TMEM108: variants seen among roughly 807,000 people sequenced by gnomAD.
The protein encoded by TMEM108 is transmembrane protein 108, also known as cancer/testis antigen 124.
In TMEM108, 12 loss-of-function variants were observed where a neutral mutation model predicts 35.1. The observed-to-expected ratio is 0.34, with a 90% CI of 0.22 to 0.55. The LOEUF (loss-of-function observed/expected upper bound fraction) is 0.55. Among genes scored for constraint, TMEM108 ranks in the 20% least tolerant of loss-of-function variants. The pLI, the probability that TMEM108 is intolerant of heterozygous loss-of-function variation, is 0.89. For missense variants in TMEM108, 680 were observed against 753.3 expected, an observed-to-expected ratio of 0.90 and a Z score of 1.14; for synonymous variants, 287 against 308.6, an observed-to-expected ratio of 0.93 and a Z score of 0.73.
At chr3:133,390,045 C>A in intron 4 of TMEM108, 135 bp from the exon 5 acceptor site, 1 of 1,046,844 alleles carries the variant, frequency 9.6e-7, no homozygotes, top group Non-Finnish European at 1.4e-6. Context: ...TCACTTTGTA[C>A]AGTTCACCAT....
intron 2 of TMEM108, among the ~76,000 whole-genome samples, chr3:133,179,593 G>T (rs1287290043): frequency 2.6e-5 from 4 of 151,996 alleles, no homozygotes. Flanking sequence ...ACTCATAGGT[G>T]GGAATTGAAC....
chr3:133,071,248 A>G (rs1162704161), intron 2 of TMEM108, among the ~76,000 whole-genome samples: 1 of 152,136 alleles, frequency 6.6e-6, no homozygotes, highest in African/African-American at 2.4e-5. Context: ...TTATGATTCT[A>G]AAGGCCAGAA....
chr3:133,352,282 A>G (rs954524832), intron 3 of TMEM108, among the ~76,000 whole-genome samples: 3 of 152,158 alleles, frequency 2.0e-5, no homozygotes, highest in African/African-American at 7.2e-5. Flanking sequence ...TTTACTAGAT[A>G]GGAAAAACCA....
At chr3:133,100,743 G>A (rs1944076476) in intron 2 of TMEM108, among the ~76,000 whole-genome samples, 1 of 152,114 alleles carries the variant, frequency 6.6e-6, no homozygotes, top group African/African-American at 2.4e-5. Flanking sequence ...TCTGAAACCT[G>A]GAAGCAATTT....
chr3:133,205,645 G>T (rs1250152039), intron 2 of TMEM108, among the ~76,000 whole-genome samples: 3 of 152,210 alleles, frequency 2.0e-5, no homozygotes, highest in Non-Finnish European at 4.4e-5. Context: ...CTTCTGGCTT[G>T]TAGGGTTTCT....
chr3:133,147,610 T>C (rs1944740342), intron 2 of TMEM108, among the ~76,000 whole-genome samples: 3 of 152,140 alleles, frequency 2.0e-5, no homozygotes, highest in South Asian at 2.1e-4. Context: ...AGTAAAAATA[T>C]TGGCAACTTT....
intron 2 of TMEM108, among the ~76,000 whole-genome samples, chr3:133,070,428 C>A (rs1350000805): frequency 2.6e-5 from 4 of 152,116 alleles, no homozygotes; most frequent in Admixed American, 2.6e-4. Flanking sequence ...GCCTTTCTCT[C>A]CCCTTAACTT....
intron 3 of TMEM108, among the ~76,000 whole-genome samples, chr3:133,322,282 T>C (rs1172743261): frequency 6.6e-6 from 1 of 152,124 alleles, no homozygotes; most frequent in Non-Finnish European, 1.5e-5. Flanking sequence ...ATTAGCAAGA[T>C]TAACCAAGAA....
chr3:133,323,357 A>C (rs889279542), intron 3 of TMEM108, among the ~76,000 whole-genome samples: 1 of 152,220 alleles, frequency 6.6e-6, no homozygotes, highest in Non-Finnish European at 1.5e-5. Context: ...AATGTACACA[A>C]ATCAGTAGCA....
At chr3:133,194,626 C>G (rs1315102276) in intron 2 of TMEM108, among the ~76,000 whole-genome samples, 1 of 150,584 alleles carries the variant, frequency 6.6e-6, no homozygotes, top group Non-Finnish European at 1.5e-5. Flanking sequence ...TATCTAAGTT[C>G]TACCATCTCT....
At chr3:133,340,523 T>C (rs529049376) in intron 3 of TMEM108, among the ~76,000 whole-genome samples, 105 of 151,726 alleles carry the variant, frequency 6.9e-4, no homozygotes, top group African/African-American at 2.5e-3. Flanking sequence ...ACTCAAACTA[T>C]TTCAAAAAAT....
At chr3:133,373,840 T>C (rs1338572881) in intron 3 of TMEM108, among the ~76,000 whole-genome samples, 1 of 152,224 alleles carries the variant, frequency 6.6e-6, no homozygotes. Flanking sequence ...GCAGTAACAA[T>C]CATTTATTTT....
At chr3:133,168,731 C>T (rs753855188) in intron 2 of TMEM108, among the ~76,000 whole-genome samples, 4 of 152,176 alleles carry the variant, frequency 2.6e-5, no homozygotes, top group Non-Finnish European at 4.4e-5. Flanking sequence ...TCCCCTTTCA[C>T]ACTGTGGAAG....
intron 3 of TMEM108, among the ~76,000 whole-genome samples, chr3:133,333,704 T>C (rs141680228): frequency 0.011 from 1,613 of 152,290 alleles, 10 homozygotes; most frequent in Non-Finnish European, 0.019. Flanking sequence ...AAAAAGAAAG[T>C]TTTAAACATA....
intron 3 of TMEM108, among the ~76,000 whole-genome samples, chr3:133,275,290 T>A (rs78055018): frequency 0.014 from 2,173 of 152,334 alleles, 63 homozygotes; most frequent in African/African-American, 0.05. Flanking sequence ...ATTCTTAATT[T>A]TCTGAATTTT....
intron 1 of TMEM108, among the ~76,000 whole-genome samples, chr3:133,040,268 A>C (rs985865259): frequency 6.9e-6 from 1 of 144,616 alleles, no homozygotes; most frequent in Admixed American, 7.2e-5. Context: ...CAGTGGTGCG[A>C]TCTCGGCTCA....
At chr3:133,184,051 A>G (rs995353074) in intron 2 of TMEM108, among the ~76,000 whole-genome samples, 38 of 152,190 alleles carry the variant, frequency 2.5e-4, no homozygotes, top group African/African-American at 9.2e-4. Flanking sequence ...AAGAACTGGC[A>G]CAGCCTGCGT....
At chr3:133,210,359 G>T (rs1331638915) in intron 2 of TMEM108, among the ~76,000 whole-genome samples, 2 of 152,146 alleles carry the variant, frequency 1.3e-5, no homozygotes, top group African/African-American at 2.4e-5. Context: ...TTCAGTCATT[G>T]TTCTAGTGTT....
chr3:133,131,529 C>T (rs1433643544), intron 2 of TMEM108, among the ~76,000 whole-genome samples: 1 of 149,594 alleles, frequency 6.7e-6, no homozygotes, highest in Non-Finnish European at 1.5e-5. Context: ...TTTTAGGGCA[C>T]TGTGAACCAT....
Sources: gnomAD v4.1 joint callset for allele counts (sites outside exome capture counted in the v4.1 genomes callset) on GRCh38, gnomAD v4.1.1 for gene constraint, MANE v1.5 for transcripts, NCBI Gene and HGNC (gene_info 2026-07-23, HGNC 2026-07-21) for gene names.